Variants in PABIR3 observed in about 807,000 individuals in gnomAD.
PABIR3 encodes PABIR family member 1.
Under a neutral mutation model 23.1 loss-of-function variants are expected in PABIR3, and 20 were observed. The observed-to-expected ratio is 0.86, with a 90% CI of 0.61 to 1.26. The LOEUF is 1.26. Among genes scored for constraint, PABIR3 ranks in the 50% most tolerant of loss-of-function variants. The probability of loss-of-function intolerance (pLI) is 0.00; values close to 1 mark genes in which losing one functional copy is unlikely to be tolerated. For synonymous variants in PABIR3, 69 were observed against 68.5 expected (o/e 1.01, Z -0.04); for missense variants, 189 against 195.4 (o/e 0.97, Z 0.20).
chrX:134,841,980 C>G (rs987433393), intron 4 of PABIR3, among the ~76,000 whole-genome samples: 53 of 111,668 alleles, frequency 4.7e-4, no homozygotes, highest in African/African-American at 1.7e-3. Flanking sequence ...GAGTGAGATC[C>G]TGTCTCAAAA....
chrX:134,803,507 A>T (rs2080116663), upstream of PABIR3, among the ~76,000 whole-genome samples: 1 of 112,506 alleles, frequency 8.9e-6, no homozygotes, highest in Non-Finnish European at 1.9e-5. Context: ...CAATTATCCC[A>T]TACTAAACTT....
intron 2 of PABIR3, chrX:134,810,463 G>A (rs1308721784): frequency 2.7e-6 from 2 of 752,755 alleles, no homozygotes; most frequent in African/African-American, 2.3e-5. Context: ...GGAGTCCAGG[G>A]ACTCTAGTCT....
intron 3 of PABIR3, among the ~76,000 whole-genome samples, chrX:134,820,262 G>T (rs779886863): frequency 4.3e-4 from 48 of 111,966 alleles, no homozygotes; most frequent in Non-Finnish European, 5.1e-4. Flanking sequence ...ATACTAGTTG[G>T]ATGTTTTTCA....
At chrX:134,837,487 C>T (rs1603232400) in intron 4 of PABIR3, among the ~76,000 whole-genome samples, 1 of 112,039 alleles carries the variant, frequency 8.9e-6, no homozygotes, top group East Asian at 2.8e-4. Flanking sequence ...AAGTTGGTAA[C>T]TTACAGTTCC....
At chrX:134,848,682 T>A (rs1320251780) in intron 8 of PABIR3, among the ~76,000 whole-genome samples, 1 of 111,743 alleles carries the variant, frequency 8.9e-6, no homozygotes, top group Admixed American at 9.6e-5. Context: ...CCTAAGGCAT[T>A]CCAGTTTTTA....
downstream of PABIR3, among the ~76,000 whole-genome samples, chrX:134,855,209 T>C (rs773102417): frequency 1.8e-5 from 2 of 109,355 alleles, no homozygotes; most frequent in South Asian, 3.9e-4. Context: ...CCAAGGCGGG[T>C]GGATCACAAG....
At position 134,818,799 on chromosome X, in the gene PABIR3, G is replaced by T. The variant is rs911253936; in HGVS notation, c.189+3950G>T. Among the ~76,000 whole-genome samples the T allele has an allele frequency of 4.5e-5, 5 of 110,780 alleles. 1 individual carries two copies. The highest frequency in any genetic ancestry group is 9.4e-5 in the Non-Finnish European group (5 of 52,999). The stretch of plus-strand genomic sequence containing the variant: ...AGCACAGCACTGGCACATACTAAAT[G>T]CTCAATAAATATGTGGGTTTTTTTA... On this transcript the variant is annotated intron_variant, in intron 3 of 10. Coordinates refer to ENST00000645433, the MANE Select transcript of PABIR3 (RefSeq NM_001388447.1).
chrX:134,797,757 A>G (rs1294058024), intron 1 of PABIR3, among the ~76,000 whole-genome samples: 1 of 110,555 alleles, frequency 9.0e-6, no homozygotes, highest in Non-Finnish European at 1.9e-5. Flanking sequence ...GTTTTTTCTT[A>G]CTAGGAATTA....
downstream of PABIR3, among the ~76,000 whole-genome samples, chrX:134,856,456 G>A (rs2082751024): frequency 9.1e-6 from 1 of 110,352 alleles, no homozygotes; most frequent in Admixed American, 9.7e-5. Context: ...AAAGTGCTGG[G>A]ATCACAGGCA....
rs144033553 is a variant in PABIR3, at chrX:134,815,429, A to G, written c.189+580A>G. Among the ~76,000 whole-genome samples, 564 of 111,963 alleles carry G rather than the reference A, an allele frequency of 5.0e-3. 6 individuals are homozygous for G. The highest frequency in any genetic ancestry group is 8.1e-3 in the Non-Finnish European group (431 of 53,213). On this transcript the variant is annotated intron_variant, in intron 3 of 10. Coordinates refer to ENST00000645433, the MANE Select transcript of PABIR3 (RefSeq NM_001388447.1). ...AGGTGAATACATGATTCATTATATG[A>G]TTTTATTGAGGTGAAATTCACATAA...
At chrX:134,855,307 G>A (rs372226943), downstream of PABIR3, among the ~76,000 whole-genome samples, 2 of 109,111 alleles carry the variant, frequency 1.8e-5, no homozygotes, top group Admixed American at 9.9e-5. Flanking sequence ...GGTGGTGGGC[G>A]CCTGTAATCC....
intron 3 of PABIR3, 85 bp from the exon 4 acceptor site, chrX:134,829,141 T>C: frequency 1.3e-6 from 1 of 774,744 alleles, no homozygotes; most frequent in South Asian, 2.3e-5. Context: ...ATAAATATTT[T>C]AGGTAATTCA....
chrX:134,835,591 A>G (rs2081948558), intron 4 of PABIR3: 1 of 111,683 alleles, frequency 9.0e-6, no homozygotes, highest in Admixed American at 9.6e-5. Flanking sequence ...AATTTTCTAA[A>G]CACAGTTATT....
intron 4 of PABIR3, among the ~76,000 whole-genome samples, chrX:134,838,383 G>A (rs1482083436): frequency 1.9e-5 from 2 of 107,969 alleles, no homozygotes; most frequent in African/African-American, 6.8e-5. Flanking sequence ...GCGCAATCTC[G>A]GCTCACTGCA....
chrX:134,848,463 G>A (rs2082512860), intron 8 of PABIR3, among the ~76,000 whole-genome samples: 1 of 110,531 alleles, frequency 9.0e-6, no homozygotes, highest in African/African-American at 3.3e-5. Flanking sequence ...AAGAACATAA[G>A]AAGAATTTAG....
At chrX:134,855,594 CTT>C (rs1003631369), downstream of PABIR3, among the ~76,000 whole-genome samples, 4 of 111,253 alleles carry the variant, frequency 3.6e-5, no homozygotes, top group Non-Finnish European at 5.7e-5. Context: ...GTATAAAAGA[CTT>C]TTTTTCTTTT....
At chrX:134,832,210 G>A (rs943986418) in intron 4 of PABIR3, among the ~76,000 whole-genome samples, 6 of 108,443 alleles carry the variant, frequency 5.5e-5, no homozygotes, top group African/African-American at 2.0e-4. Flanking sequence ...GGGAGGCGGA[G>A]GTTGCAGTGA....
chrX:134,834,147 G>A (rs1166761712), intron 4 of PABIR3: 4 of 112,153 alleles, frequency 3.6e-5, no homozygotes, highest in Admixed American at 9.5e-5. Context: ...ATGTAAAAGC[G>A]TTCCTATTTC....
intron 4 of PABIR3, among the ~76,000 whole-genome samples, chrX:134,840,374 C>A (rs1023627045): frequency 1.8e-5 from 2 of 110,276 alleles, no homozygotes; most frequent in Admixed American, 9.6e-5. Flanking sequence ...AAACAAAAAA[C>A]AAAAACAAAA....
Sources: gnomAD v4.1 joint callset for allele counts (sites outside exome capture counted in the v4.1 genomes callset) on GRCh38, gnomAD v4.1.1 for gene constraint, MANE v1.5 for transcripts, NCBI Gene and HGNC (gene_info 2026-07-23, HGNC 2026-07-21) for gene names.